The following CRPPA variants were observed in gnomAD, a reference collection of about 807,000 sequenced individuals.
CRPPA encodes the protein D-ribitol-5-phosphate cytidylyltransferase.
In CRPPA, 43 loss-of-function variants were observed where a neutral mutation model predicts 52.0. The ratio of observed to expected loss-of-function variants is 0.83; its 90% confidence interval spans 0.65 to 1.07. The LOEUF (loss-of-function observed/expected upper bound fraction) is 1.07, where lower values mean the gene tolerates loss of function less well. Ranked by LOEUF, CRPPA falls within the 50% of genes least tolerant of loss-of-function variation. CRPPA has a pLI of 0.00. For missense variants in CRPPA, 629 were observed against 551.7 expected (o/e 1.14, Z -1.40); for synonymous variants, 250 against 203.5 (o/e 1.23, Z -1.94).
chr7:16,379,339 A>G (rs978694888), intron 2 of CRPPA, among the ~76,000 whole-genome samples: 1 of 152,120 alleles, frequency 6.6e-6, no homozygotes, highest in Admixed American at 6.5e-5. Flanking sequence ...GTTCTGTTCC[A>G]TTGATCTATA....
chr7:16,254,743 AAGAC>A (rs568724035), intron 8 of CRPPA, among the ~76,000 whole-genome samples: 9 of 64,464 alleles, frequency 1.4e-4, no homozygotes, highest in Admixed American at 1.1e-3. Context: ...ATAAGAAAGA[AAGAC>A]AGAAAGAAAG....
intron 9 of CRPPA, among the ~76,000 whole-genome samples, chr7:16,129,055 G>C (rs1464947964): frequency 6.6e-6 from 1 of 152,114 alleles, no homozygotes; most frequent in African/African-American, 2.4e-5. Flanking sequence ...CAAAATTTCA[G>C]TAATCCATCC....
At chr7:16,161,808 C>G (rs1203513755) in intron 9 of CRPPA, among the ~76,000 whole-genome samples, 1 of 152,108 alleles carries the variant, frequency 6.6e-6, no homozygotes, top group African/African-American at 2.4e-5. Flanking sequence ...GTGACTCCGT[C>G]TGGTCCTGGG....
chr7:16,379,296 T>C (rs1158505253), intron 2 of CRPPA, among the ~76,000 whole-genome samples: 5 of 152,214 alleles, frequency 3.3e-5, no homozygotes, highest in Non-Finnish European at 5.9e-5. Flanking sequence ...GATCAGATAG[T>C]TGTAGATATG....
In CRPPA at chr7:16,420,023, G is replaced by A. The variant is rs1418230050; in HGVS notation, c.257+1043C>T. On this transcript the variant is annotated intron_variant, in intron 1 of 9. Coordinates refer to ENST00000407010, the MANE Select transcript of CRPPA (RefSeq NM_001101426.4). Reference sequence around the variant, plus strand: ...TAGGCAGGGGCAAGGTGAACCCGTGGGGCGGTTACAAAACAACTTGAACCT... The same window carrying A: ...TAGGCAGGGGCAAGGTGAACCCGTGAGGCGGTTACAAAACAACTTGAACCT... 2.0e-5 allele frequency among the ~76,000 whole-genome samples: 3 copies of A among 152,270 alleles called. No homozygotes were observed. In the South Asian group the frequency reaches 6.2e-4, roughly 32 times the overall value.
chr7:16,256,097 G>GA (rs1338100394), intron 8 of CRPPA, among the ~76,000 whole-genome samples: 2 of 151,988 alleles, frequency 1.3e-5, no homozygotes, highest in Non-Finnish European at 2.9e-5. Flanking sequence ...AAATTTACAA[G>GA]AAAAAATCAA....
intron 2 of CRPPA, 81 bp from the exon 3 acceptor site, chr7:16,376,322 G>C (rs1008223290): frequency 7.2e-7 from 1 of 1,385,006 alleles, no homozygotes; most frequent in African/African-American, 1.4e-5. Context: ...TCTCACTTTT[G>C]ACAGATCTTA....
intron 5 of CRPPA, among the ~76,000 whole-genome samples, chr7:16,281,001 C>T (rs371988626): frequency 8.5e-5 from 13 of 152,072 alleles, no homozygotes; most frequent in South Asian, 2.1e-4. Context: ...GCCTGAGTGA[C>T]GGAGTGAGAC....
At position 16,177,771 on chromosome 7, in the gene CRPPA, C is replaced by A. The variant is rs181574629; in HGVS notation, c.1251+38295G>T. Among the ~76,000 whole-genome samples the A allele has an allele frequency of 2.9e-3, 439 of 152,088 alleles. 2 individuals are homozygous for A. Among genetic ancestry groups the A allele is most frequent in the African/African-American group, 1.0e-2 (414 of 41,498 alleles). On this transcript the variant is annotated intron_variant, in intron 9 of 9. Coordinates refer to ENST00000407010, the MANE Select transcript of CRPPA (RefSeq NM_001101426.4). The stretch of plus-strand genomic sequence containing the variant: ...CCAGTTTTCTTTTTAAACGGAAGTA[C>A]ACAGGAGCAAACAGCAATAATTATA...
chr7:16,193,539 T>C (rs1781660155), intron 9 of CRPPA, among the ~76,000 whole-genome samples: 1 of 152,100 alleles, frequency 6.6e-6, no homozygotes, highest in African/African-American at 2.4e-5. Flanking sequence ...CTCCTGTAGT[T>C]TAAAAAATAT....
intron 9 of CRPPA, among the ~76,000 whole-genome samples, chr7:16,202,260 T>C (rs1781877247): frequency 6.6e-6 from 1 of 152,174 alleles, no homozygotes; most frequent in Non-Finnish European, 1.5e-5. Flanking sequence ...CGCTATAACT[T>C]GAACCTATAA....
intron 3 of CRPPA, among the ~76,000 whole-genome samples, chr7:16,329,233 A>ATGAGT (rs1282504288): frequency 6.6e-6 from 1 of 152,214 alleles, no homozygotes; most frequent in Non-Finnish European, 1.5e-5. Context: ...AGCTAAGATA[A>ATGAGT]TGAGTTTTTT....
chr7:16,179,984 A>T (rs750159478), intron 9 of CRPPA, among the ~76,000 whole-genome samples: 2 of 152,174 alleles, frequency 1.3e-5, no homozygotes, highest in Non-Finnish European at 1.5e-5. Flanking sequence ...CAGCAATAAC[A>T]TCATAAGGTT....
At chr7:16,145,008 T>G (rs2128377008) in intron 9 of CRPPA, among the ~76,000 whole-genome samples, 1 of 152,260 alleles carries the variant, frequency 6.6e-6, no homozygotes, top group South Asian at 2.1e-4. Context: ...GCCTCCAGGC[T>G]TATCTTGGCC....
chr7:16,377,325 C>G (rs945355762), intron 2 of CRPPA, among the ~76,000 whole-genome samples: 3 of 152,166 alleles, frequency 2.0e-5, no homozygotes, highest in African/African-American at 4.8e-5. Context: ...GGTAGGTCAA[C>G]TGGTCAAGCC....
intron 3 of CRPPA, among the ~76,000 whole-genome samples, chr7:16,358,628 G>T (rs1056093849): frequency 6.6e-6 from 1 of 152,108 alleles, no homozygotes; most frequent in Non-Finnish European, 1.5e-5. Flanking sequence ...ACTTGACACA[G>T]AATCTGAAGA....
chr7:16,137,262 G>A (rs1477314267), intron 9 of CRPPA, among the ~76,000 whole-genome samples: 1 of 152,194 alleles, frequency 6.6e-6, no homozygotes, highest in Non-Finnish European at 1.5e-5. Flanking sequence ...TATGAACCAG[G>A]AATCAGGTCC....
At position 16,415,753 on chromosome 7, in the gene CRPPA, C is replaced by T. The variant is rs147436737; in HGVS notation, c.257+5313G>A. On this transcript the variant is annotated intron_variant, in intron 1 of 9. Coordinates refer to ENST00000407010, the MANE Select transcript of CRPPA (RefSeq NM_001101426.4). ...AGTACTTATCTGCTGCACTTCCTCTCATTCTCCCTTCTGTAGCCATACATT... is the reference window on the plus strand; with the variant it reads ...AGTACTTATCTGCTGCACTTCCTCTTATTCTCCCTTCTGTAGCCATACATT... 1.8e-3 allele frequency among the ~76,000 whole-genome samples: 277 copies of T among 152,290 alleles called. 1 individual carries two copies. Among genetic ancestry groups the T allele is most frequent in the African/African-American group, 6.5e-3 (272 of 41,576 alleles).
intron 6 of CRPPA, among the ~76,000 whole-genome samples, chr7:16,271,181 G>C (rs532732625): frequency 6.6e-6 from 1 of 152,182 alleles, no homozygotes; most frequent in Non-Finnish European, 1.5e-5. Context: ...AGCCCCTACA[G>C]TCCCTGTTTG....
Sources: allele counts gnomAD v4.1 joint callset (sites outside exome capture counted in the v4.1 genomes callset), GRCh38; gene constraint gnomAD v4.1.1; transcripts MANE v1.5; gene names NCBI Gene and HGNC (gene_info 2026-07-23, HGNC 2026-07-21).